TMEM254: variants seen among roughly 807,000 people sequenced by gnomAD.
TMEM254 encodes transmembrane protein 254.
Under a neutral mutation model 13.9 loss-of-function variants are expected in TMEM254, and 16 were observed. The ratio of observed to expected loss-of-function variants is 1.15; its 90% CI spans 0.78 to 1.75. The LOEUF is 1.75. Among genes scored for constraint, TMEM254 ranks in the 40% most tolerant of loss-of-function variants. The pLI is 0.00. For synonymous variants in TMEM254, 61 were observed against 56.4 expected, an observed-to-expected ratio of 1.08 and a Z score of -0.36; for missense variants, 155 against 149.0, an observed-to-expected ratio of 1.04 and a Z score of -0.21.
intron 3 of TMEM254, chr10:80,086,517 TTAA>T (rs1844320440): frequency 8.1e-6 from 2 of 246,980 alleles, no homozygotes; most frequent in Non-Finnish European, 1.6e-5. Flanking sequence ...TTTTTAAAAG[TTAA>T]TAATGTTGTG....
Position 80,079,066 on chromosome 10 carries a change from T to C in TMEM254, c.87+280T>C, listed in dbSNP as rs533130597. The C allele has an allele frequency of 6.2e-6, 9 of 1,454,028 alleles. No individual in the cohort carries two copies. The Admixed American group carries it at 1.5e-4, about 24-fold the overall frequency. The allele number at this position is 1,454,028 out of a possible 1,614,324, so 90.1% of individuals were successfully genotyped here. A position where few individuals can be genotyped will look rare whatever the true frequency, so the allele number is the denominator to read the frequency against. ...GCTGGGGAGCTCCCAGCCAACTCTGTGTCTGGGTTTTTCAAGAGGATGGTG... is the reference window on the plus strand; with the variant it reads ...GCTGGGGAGCTCCCAGCCAACTCTGCGTCTGGGTTTTTCAAGAGGATGGTG... On this transcript the variant is annotated intron_variant, in intron 1 of 3. Transcript: ENST00000372281.
At chr10:80,090,393 T>C in intron 3 of TMEM254, 1 of 717,612 alleles carries the variant, frequency 1.4e-6, no homozygotes, top group Non-Finnish European at 2.6e-6. Flanking sequence ...AGAAAACTGA[T>C]TCTGAGAGAT....
In TMEM254 at chr10:80,078,761, T is replaced by C; in HGVS notation, c.62T>C (p.Ile21Thr). Reference sequence around the variant, plus strand: ...GGCAGTCTGTTCTGGTTCACAGTCATCACCCTCAGCTTTGGCTACTACACA... The same window carrying C: ...GGCAGTCTGTTCTGGTTCACAGTCACCACCCTCAGCTTTGGCTACTACACA... The part of the protein sequence containing the change: ...QRGSLFWFTV[I>T]TLSFGYYTWV... Residue 21 changes from isoleucine to threonine, a missense_variant, in exon 1 of 4, where the codon ATC becomes ACC. Physicochemically the swap from Ile to Thr is moderately conservative, Grantham distance 89. Coordinates refer to ENST00000372281, the MANE Select transcript of TMEM254 (RefSeq NM_025125.4). 1 of 1,608,460 alleles carries C rather than the reference T, an allele frequency of 6.2e-7. No homozygotes were observed. The highest frequency in any genetic ancestry group is 8.5e-7 in the Non-Finnish European group (1 of 1,177,726).
intron 3 of TMEM254, chr10:80,086,137 A>AT (rs1589386144): frequency 1.4e-6 from 1 of 733,862 alleles, no homozygotes; most frequent in Non-Finnish European, 2.0e-6. Context: ...TCACAAAGAG[A>AT]TTTTTGCATC....
chr10:80,078,971 G>A (rs1235478679), intron 1 of TMEM254, 185 bp downstream of exon 1: 9 of 1,537,848 alleles, frequency 5.9e-6, no homozygotes, highest in Admixed American at 2.0e-5. Flanking sequence ...GGTCCGCCAG[G>A]GTCTTGGGCG....
chr10:80,081,713 A>G, intron 1 of TMEM254, 128 bp from the exon 2 acceptor site: 1 of 1,608,706 alleles, frequency 6.2e-7, no homozygotes. Context: ...GGAGACCCAA[A>G]TGACTGTTCA....
At position 80,091,072 on chromosome 10, in the gene TMEM254, CTT is replaced by C; in HGVS notation, c.*156_*157del. On this transcript the variant is annotated 3_prime_UTR_variant, in exon 4 of 4. Coordinates refer to ENST00000372281, the MANE Select transcript of TMEM254 (RefSeq NM_025125.4). ...ACCCCCTCGTTAGTCAGTTTTTTCT[CTT>C]ATATGCTCTGGTTGAGCTTGAATAG... The C allele has an allele frequency of 1.1e-6, 1 of 877,498 alleles. No individual in the cohort carries two copies. Among genetic ancestry groups the C allele is most frequent in the East Asian group, 2.7e-5 (1 of 37,324 alleles). The allele number at this position is 877,498 out of a possible 1,614,324, so 54.4% of individuals were successfully genotyped here. A position where few individuals can be genotyped will look rare whatever the true frequency, so the allele number is the denominator to read the frequency against.
intron 3 of TMEM254, chr10:80,086,213 C>G: frequency 7.0e-7 from 1 of 1,438,450 alleles, no homozygotes; most frequent in Non-Finnish European, 9.1e-7. Flanking sequence ...TCTTAAAAGA[C>G]TTTTGTCTTT....
chr10:80,082,168 A>T lies in TMEM254; in HGVS notation c.215A>T (p.His72Leu). 6.2e-7 allele frequency: 1 copy of T among 1,614,188 alleles called. No homozygotes were observed. The change falls in exon 3 of 4, where the codon CAT (histidine) becomes CTT (leucine). Residue 72 changes from histidine (H) to leucine (L), a missense_variant. Coordinates refer to ENST00000372281, the MANE Select transcript of TMEM254 (RefSeq NM_025125.4). ...AGGTATTGGCTTGCCTGGCTGATTC[A>T]TGTGGGAGAGTCCTTGTATGCCATA... ...CNGYWLAWLI[H>L]VGESLYAIVL...
chr10:80,084,534 T>C (rs1844216020), intron 3 of TMEM254, among the ~76,000 whole-genome samples: 1 of 152,182 alleles, frequency 6.6e-6, no homozygotes, highest in Non-Finnish European at 1.5e-5. Context: ...GACCAAACAG[T>C]GTTTACTCTT....
At chr10:80,089,873 C>T (rs1329261344) in intron 3 of TMEM254, among the ~76,000 whole-genome samples, 6 of 151,902 alleles carry the variant, frequency 3.9e-5, no homozygotes, top group South Asian at 2.1e-4. Context: ...GGCGTGGTGG[C>T]GGGCTCCTGT....
In TMEM254 at chr10:80,078,699, C is replaced by T. The variant is rs1488014872; in HGVS notation, c.-1C>T. 1 of 1,599,904 alleles carries T rather than the reference C, an allele frequency of 6.3e-7. No homozygotes were observed. Among genetic ancestry groups the T allele is most frequent in the Non-Finnish European group, 8.5e-7 (1 of 1,174,924 alleles). Reference sequence around the variant, plus strand: ...CGCGCTCCCGGGGAGGTGTTGCAGCCATGGCTACGGCAGCCGGCGCGACCT... The same window carrying T: ...CGCGCTCCCGGGGAGGTGTTGCAGCTATGGCTACGGCAGCCGGCGCGACCT... On this transcript the variant is annotated 5_prime_UTR_variant, in exon 1 of 4. Coordinates refer to ENST00000372281, the MANE Select transcript of TMEM254 (RefSeq NM_025125.4).
chr10:80,086,278 T>TTATGA (rs1844309364), intron 3 of TMEM254: 1 of 1,467,830 alleles, frequency 6.8e-7, no homozygotes, highest in African/African-American at 1.5e-5. Context: ...TGAGAACAAG[T>TTATGA]TATGATGACC....
intron 3 of TMEM254, among the ~76,000 whole-genome samples, chr10:80,083,655 G>A (rs751813318): frequency 6.6e-6 from 1 of 152,178 alleles, no homozygotes; most frequent in Non-Finnish European, 1.5e-5. Flanking sequence ...TCAGGAGCCT[G>A]CAGTGGGGAG....
In TMEM254 at chr10:80,089,274, T is replaced by C. The variant is rs142254734; in HGVS notation, c.252-1523T>C. ...TGTTCTTGACCTCAAAGGAGAACTT[T>C]CAACATTTTGCATCATGTTTATTAT... On this transcript the variant is annotated intron_variant, in intron 3 of 3. Coordinates refer to ENST00000372281, the MANE Select transcript of TMEM254 (RefSeq NM_025125.4). Among the ~76,000 whole-genome samples the C allele has an allele frequency of 3.1e-3, 473 of 152,334 alleles. 2 individuals carry two copies. Among genetic ancestry groups the C allele is most frequent in the African/African-American group, 0.011 (460 of 41,572 alleles).
intron 3 of TMEM254, among the ~76,000 whole-genome samples, chr10:80,085,382 G>C (rs1229249169): frequency 6.6e-6 from 1 of 151,782 alleles, no homozygotes; most frequent in Admixed American, 6.6e-5. Context: ...CAACATGGTT[G>C]AAACTCTGTC....
intron 1 of TMEM254, among the ~76,000 whole-genome samples, chr10:80,080,607 TA>T (rs2132268998): frequency 6.6e-6 from 1 of 152,352 alleles, no homozygotes; most frequent in Non-Finnish European, 1.5e-5. Context: ...CAAAATTTGC[TA>T]ATATCTTTTA....
Position 80,085,630 on chromosome 10 carries a change from T to G in TMEM254, c.251+3426T>G, listed in dbSNP as rs1379265844. On this transcript the variant is annotated intron_variant, in intron 3 of 3. Coordinates refer to ENST00000372281, the MANE Select transcript of TMEM254 (RefSeq NM_025125.4). Reference sequence around the variant, plus strand: ...GGTGAGGTGAGGGGGCAAAAAACCTTTTGCTATTTTGGTAGATTAAAAAGG... The same window carrying G: ...GGTGAGGTGAGGGGGCAAAAAACCTGTTGCTATTTTGGTAGATTAAAAAGG... 2.0e-5 allele frequency among the ~76,000 whole-genome samples: 3 copies of G among 152,012 alleles called. 1 individual carries two copies. The highest frequency in any genetic ancestry group is 4.4e-5 in the Non-Finnish European group (3 of 67,970).
rs370895413 is a variant in TMEM254, at chr10:80,090,931, C to T, written c.*14C>T. On this transcript the variant is annotated 3_prime_UTR_variant, in exon 4 of 4. Coordinates refer to ENST00000372281, the MANE Select transcript of TMEM254 (RefSeq NM_025125.4). ...AAACAAACTTGAAGTTGTCTGAAAGCTTGCTCTACACTTTTACATTCATCC... is the reference window on the plus strand; with the variant it reads ...AAACAAACTTGAAGTTGTCTGAAAGTTTGCTCTACACTTTTACATTCATCC... 1.2e-6 allele frequency: 2 copies of T among 1,613,306 alleles called. No individual in the cohort carries two copies. Among genetic ancestry groups the T allele is most frequent in the Non-Finnish European group, 1.7e-6 (2 of 1,179,740 alleles).
Sources: allele counts gnomAD v4.1 joint callset (sites outside exome capture counted in the v4.1 genomes callset), GRCh38; gene constraint gnomAD v4.1.1; transcripts MANE v1.5; gene names NCBI Gene and HGNC (gene_info 2026-07-23, HGNC 2026-07-21).